The following MGAT4C variants were observed in gnomAD, a reference collection of about 807,000 sequenced individuals.
MGAT4C encodes MGAT4 family member C.
MGAT4C carries 19 observed loss-of-function variants against 40.1 expected under a neutral mutation model. The observed-to-expected ratio is 0.47, with a 90% CI of 0.33 to 0.70. The LOEUF (loss-of-function observed/expected upper bound fraction) is 0.70. MGAT4C is among the 30% of genes least tolerant of loss of function. The pLI is 0.02. For synonymous variants in MGAT4C, 181 were observed against 187.1 expected (o/e 0.97, Z 0.27); for missense variants, 491 against 563.2 (o/e 0.87, Z 1.30).
chr12:86,245,721 C>A (rs987268341), intron 1 of MGAT4C, among the ~76,000 whole-genome samples: 1 of 152,156 alleles, frequency 6.6e-6, no homozygotes, highest in African/African-American at 2.4e-5. Context: ...TACTCAAATC[C>A]TGTTACTTTG....
chr12:86,629,866 A>G (rs1962970026), intron 2 of MGAT4C, among the ~76,000 whole-genome samples: 1 of 152,210 alleles, frequency 6.6e-6, no homozygotes, highest in African/African-American at 2.4e-5. Flanking sequence ...GAGCAAACAC[A>G]TTCAAAAGCT....
intron 2 of MGAT4C, among the ~76,000 whole-genome samples, chr12:86,697,113 C>G (rs1950273769): frequency 6.6e-6 from 1 of 152,078 alleles, no homozygotes; most frequent in South Asian, 2.1e-4. Flanking sequence ...TTCAGTCAGT[C>G]CTTTCATAAG....
At chr12:86,005,553 C>G (rs1475365857) in intron 2 of MGAT4C, among the ~76,000 whole-genome samples, 2 of 152,046 alleles carry the variant, frequency 1.3e-5, no homozygotes, top group Non-Finnish European at 1.5e-5. Context: ...GGTTCTTAGC[C>G]TTACAGATGA....
intron 1 of MGAT4C, among the ~76,000 whole-genome samples, chr12:86,200,397 A>C (rs565426938): frequency 6.6e-5 from 10 of 152,196 alleles, no homozygotes; most frequent in African/African-American, 2.2e-4. Flanking sequence ...GTAAATACCT[A>C]GCTGCATTAT....
At chr12:86,502,854 GAGTTCTGCTCATATATATA>G (rs1958381237) in intron 2 of MGAT4C, among the ~76,000 whole-genome samples, 2 of 74,400 alleles carry the variant, frequency 2.7e-5, no homozygotes, top group African/African-American at 1.4e-4. Context: ...ATATATATAT[GAGTTCTGCTCATATATATA>G]TATATATGAG....
intron 2 of MGAT4C, among the ~76,000 whole-genome samples, chr12:86,626,884 C>G (rs1962822748): frequency 6.6e-6 from 1 of 152,176 alleles, no homozygotes; most frequent in Non-Finnish European, 1.5e-5. Flanking sequence ...GTGGGTGCAA[C>G]CCACAGAGGG....
intron 2 of MGAT4C, among the ~76,000 whole-genome samples, chr12:86,040,526 T>G (rs1020441087): frequency 2.6e-5 from 4 of 152,202 alleles, no homozygotes; most frequent in Non-Finnish European, 5.9e-5. Flanking sequence ...TGGCTCTGTT[T>G]GCACTGTGAG....
chr12:86,178,109 T>C (rs565695675), intron 1 of MGAT4C, among the ~76,000 whole-genome samples: 35 of 152,248 alleles, frequency 2.3e-4, no homozygotes, highest in Non-Finnish European at 3.8e-4. Context: ...GCTAATTTTT[T>C]GTATTTTTGG....
chr12:86,750,117 G>A (rs1458862404), intron 1 of MGAT4C, among the ~76,000 whole-genome samples: 1 of 151,804 alleles, frequency 6.6e-6, no homozygotes, highest in Admixed American at 6.6e-5. Context: ...AGTCTATTAA[G>A]AGAGAGAAGA....
chr12:86,190,198 C>T (rs1195949026), intron 1 of MGAT4C, among the ~76,000 whole-genome samples: 2 of 151,892 alleles, frequency 1.3e-5, no homozygotes, highest in Non-Finnish European at 2.9e-5. Flanking sequence ...GTTGATAGCA[C>T]CTTTTTTATT....
chr12:86,289,112 A>G (rs994397740), intron 4 of MGAT4C, among the ~76,000 whole-genome samples: 2 of 152,212 alleles, frequency 1.3e-5, no homozygotes, highest in Non-Finnish European at 2.9e-5. Flanking sequence ...TCCAGTTTCA[A>G]TCTTCTGCCT....
At chr12:86,467,490 T>C (rs1455875842) in intron 2 of MGAT4C, among the ~76,000 whole-genome samples, 1 of 152,128 alleles carries the variant, frequency 6.6e-6, no homozygotes, top group Non-Finnish European at 1.5e-5. Flanking sequence ...TGTAATAGCA[T>C]CCAGAGACTA....
At chr12:86,102,867 A>T (rs1875363601) in intron 1 of MGAT4C, among the ~76,000 whole-genome samples, 2 of 152,142 alleles carry the variant, frequency 1.3e-5, no homozygotes, top group African/African-American at 4.8e-5. Flanking sequence ...AGCCATTTAA[A>T]TTTAATAATT....
intron 2 of MGAT4C, among the ~76,000 whole-genome samples, chr12:86,717,727 A>T (rs1950668926): frequency 6.6e-6 from 1 of 152,168 alleles, no homozygotes; most frequent in Non-Finnish European, 1.5e-5. Flanking sequence ...ATAAACACTC[A>T]AGGTGAGCCT....
rs1322013107 is a variant in MGAT4C at position 86,038,688 on chromosome 12, A to G, written c.-7+10986T>C. On this transcript the variant is annotated intron_variant, in intron 2 of 4. Transcript: ENST00000611864. ...CACCGATGGGTCTTGACTCTATCCAATTTGCAAGGCTTTATCTTTTAATTG... is the reference window on the plus strand; with the variant it reads ...CACCGATGGGTCTTGACTCTATCCAGTTTGCAAGGCTTTATCTTTTAATTG... Among the ~76,000 whole-genome samples, 9 of 149,710 alleles carry G rather than the reference A, an allele frequency of 6.0e-5. 2 individuals carry two copies. The highest frequency in any genetic ancestry group is 9.0e-5 in the Non-Finnish European group (6 of 66,774).
At chr12:86,356,639 C>T (rs944157260) in intron 3 of MGAT4C, among the ~76,000 whole-genome samples, 3 of 152,078 alleles carry the variant, frequency 2.0e-5, no homozygotes, top group African/African-American at 7.2e-5. Context: ...TGGGCTTTTC[C>T]AAGGGTCTTA....
chr12:86,682,765 A>C (rs1297618221), intron 2 of MGAT4C, among the ~76,000 whole-genome samples: 1 of 152,152 alleles, frequency 6.6e-6, no homozygotes, highest in Non-Finnish European at 1.5e-5. Flanking sequence ...CTTCAAGGAC[A>C]AATATTTAGT....
intron 2 of MGAT4C, among the ~76,000 whole-genome samples, chr12:86,048,677 G>A (rs1210239071): frequency 6.6e-6 from 1 of 151,966 alleles, no homozygotes; most frequent in African/African-American, 2.4e-5. Flanking sequence ...AGAATTGCTG[G>A]AAACATCTAT....
intron 2 of MGAT4C, among the ~76,000 whole-genome samples, chr12:86,452,600 T>C (rs1957443665): frequency 6.6e-6 from 1 of 152,072 alleles, no homozygotes; most frequent in Admixed American, 6.6e-5. Flanking sequence ...TTTTCTACAT[T>C]TTATTTTTCT....
Sources: allele counts gnomAD v4.1 joint callset (sites outside exome capture counted in the v4.1 genomes callset), GRCh38; gene constraint gnomAD v4.1.1; transcripts MANE v1.5; gene names NCBI Gene and HGNC (gene_info 2026-07-23, HGNC 2026-07-21).